TNS3: variants seen among roughly 807,000 people sequenced by gnomAD.
TNS3 encodes tensin 3, also known as tensin-3.
A neutral mutation model predicts 140.9 loss-of-function variants in TNS3; 45 were observed. The ratio of observed to expected loss-of-function variants is 0.32; its 90% CI spans 0.25 to 0.41. The LOEUF (loss-of-function observed/expected upper bound fraction) is 0.41, where lower values mean the gene tolerates loss of function less well. TNS3 is among the 10% of genes least tolerant of loss of function. The pLI, the probability that TNS3 is intolerant of heterozygous loss-of-function variation, is 1.00. For synonymous variants in TNS3, 815 were observed against 788.4 expected (o/e 1.03, Z -0.56); for missense variants, 1,716 against 1,906.7 (o/e 0.90, Z 1.86).
Position 47,546,892 on chromosome 7 carries a change from G to A in TNS3, c.-264-17745C>T, listed in dbSNP as rs186555421. Among the ~76,000 whole-genome samples the A allele has an allele frequency of 1.7e-3, 266 of 152,328 alleles. 5 individuals are homozygous for A. The East Asian group carries it at 0.039, about 22-fold the overall frequency. ...CACGGCTGTGCTCAACAGGCGCTGC[G>A]GATGGAATGACTAAAATGACAAAGA... is the stretch of plus-strand genomic sequence containing the variant. On this transcript the variant is annotated intron_variant, in intron 1 of 30. Coordinates refer to ENST00000311160, the MANE Select transcript of TNS3 (RefSeq NM_022748.12).
At chr7:47,493,662 CAA>C (rs58803590) in intron 3 of TNS3, among the ~76,000 whole-genome samples, 20,527 of 118,790 alleles carry the variant, frequency 0.17, 2,638 homozygotes, top group African/African-American at 0.39. Flanking sequence ...ACTAAAAATA[CAA>C]AAAAAAAAAA....
chr7:47,405,705 C>T, intron 13 of TNS3: 2 of 640,538 alleles, frequency 3.1e-6, no homozygotes, highest in East Asian at 2.7e-5. Context: ...TGTGATGCGT[C>T]CAACAGAGAT....
At chr7:47,550,245 G>T (rs1800027293) in intron 1 of TNS3, among the ~76,000 whole-genome samples, 1 of 152,154 alleles carries the variant, frequency 6.6e-6, no homozygotes, top group East Asian at 1.9e-4. Context: ...CTGAATTAAT[G>T]AAGGAAGGAA....
chr7:47,504,698 G>A (rs1455542971), intron 3 of TNS3, among the ~76,000 whole-genome samples: 3 of 152,238 alleles, frequency 2.0e-5, no homozygotes, highest in Admixed American at 2.0e-4. Context: ...GGAAGACCGA[G>A]CGGCTCCCTT....
chr7:47,476,242 T>A (rs1296234455), intron 4 of TNS3, among the ~76,000 whole-genome samples: 1 of 152,184 alleles, frequency 6.6e-6, no homozygotes, highest in Non-Finnish European at 1.5e-5. Context: ...AAGAACTCCA[T>A]TCAGGGCCAC....
chr7:47,422,007 A>G (rs1273480789), intron 10 of TNS3, among the ~76,000 whole-genome samples: 2 of 152,138 alleles, frequency 1.3e-5, no homozygotes, highest in Non-Finnish European at 2.9e-5. Flanking sequence ...GACAACAGAG[A>G]AGCCTCCCAT....
intron 4 of TNS3, among the ~76,000 whole-genome samples, chr7:47,463,417 C>G (rs1346376449): frequency 6.6e-6 from 1 of 152,184 alleles, no homozygotes; most frequent in Admixed American, 6.5e-5. Context: ...GCACTCCGGC[C>G]TGGGTGACAA....
chr7:47,526,055 C>A (rs905150087), intron 2 of TNS3, among the ~76,000 whole-genome samples: 1 of 152,246 alleles, frequency 6.6e-6, no homozygotes, highest in Non-Finnish European at 1.5e-5. Context: ...CCGTCCAAGA[C>A]GTGCTTGCGC....
chr7:47,335,540 T>G (rs1270153865), intron 20 of TNS3, among the ~76,000 whole-genome samples: 2 of 152,218 alleles, frequency 1.3e-5, no homozygotes, highest in Non-Finnish European at 2.9e-5. Context: ...CAAGCACATC[T>G]CTGGGAAAAG....
chr7:47,346,261 A>G lies in TNS3; in HGVS notation c.2377T>C (p.Cys793Arg). 1 of 1,614,142 alleles carries G rather than the reference A, an allele frequency of 6.2e-7. No homozygotes were observed. The part of the protein sequence containing the change: ...DAGGQLPFSK[C>R]AWGKAGVDYA... ...TCCACACCAGCCTTTCCCCATGCAC[A>G]TTTGGAGAAGGGCAGCTGCCCCCCA... Residue 793 changes from cysteine to arginine, a missense_variant, in exon 18 of 31, where the codon TGT becomes CGT. This residue lies in a region of TNS3 where 1,163 missense variants were observed against 1,182.1 expected (regional missense o/e 0.98). Transcript: ENST00000311160.
chr7:47,398,607 C>T (rs1427470622), intron 15 of TNS3, among the ~76,000 whole-genome samples: 1 of 152,056 alleles, frequency 6.6e-6, no homozygotes, highest in East Asian at 1.9e-4. Context: ...AAAAGGCATT[C>T]GATAAAATCT....
chr7:47,472,127 C>A (rs1345884312), intron 4 of TNS3, among the ~76,000 whole-genome samples: 1 of 152,252 alleles, frequency 6.6e-6, no homozygotes, highest in African/African-American at 2.4e-5. Flanking sequence ...CATCACCTGG[C>A]TTTCTCCCTG....
chr7:47,340,357 G>A (rs1046995565), intron 20 of TNS3, among the ~76,000 whole-genome samples: 8 of 150,736 alleles, frequency 5.3e-5, no homozygotes, highest in Admixed American at 1.3e-4. Context: ...TCTTGACCTC[G>A]TGATCTGCCC....
Position 47,390,157 on chromosome 7 carries a change from A to T in TNS3, c.1024+6643T>A, listed in dbSNP as rs142722779. Among the ~76,000 whole-genome samples the T allele has an allele frequency of 1.1e-4, 16 of 152,350 alleles. No individual in the cohort carries two copies. In the South Asian group the frequency reaches 1.4e-3, roughly 14 times the overall value. The stretch of plus-strand genomic sequence containing the variant: ...AGGCACTGTGTATACCCAAGCACTC[A>T]GCAAAAAGCAGAGCCAAGACTGAAG... On this transcript the variant is annotated intron_variant, in intron 16 of 30. Transcript: ENST00000311160.
chr7:47,308,036 T>C (rs932793835), intron 20 of TNS3, among the ~76,000 whole-genome samples: 6 of 152,208 alleles, frequency 3.9e-5, no homozygotes, highest in African/African-American at 1.4e-4. Context: ...TCACAAAACA[T>C]GTTTTTCTGT....
At chr7:47,554,418 AAAAAAAAAAAC>A (rs200608447) in intron 1 of TNS3, among the ~76,000 whole-genome samples, 69,096 of 143,526 alleles carry the variant, frequency 0.48, 17,551 homozygotes, top group East Asian at 0.71. Flanking sequence ...ACTCCATCTC[AAAAAAAAAAAC>A]AAAAAAAAAA....
chr7:47,516,719 T>C (rs1798789145), intron 2 of TNS3, among the ~76,000 whole-genome samples: 1 of 152,166 alleles, frequency 6.6e-6, no homozygotes, highest in African/African-American at 2.4e-5. Context: ...ACAAGAGCAA[T>C]GGCTAAAATG....
At chr7:47,358,618 G>A (rs958096981) in intron 17 of TNS3, among the ~76,000 whole-genome samples, 7 of 152,224 alleles carry the variant, frequency 4.6e-5, no homozygotes, top group Admixed American at 6.5e-5. Flanking sequence ...CGTGGGAGCC[G>A]GCAGTGCTCT....
intron 5 of TNS3, among the ~76,000 whole-genome samples, chr7:47,440,024 G>C (rs987251473): frequency 6.6e-6 from 1 of 152,142 alleles, no homozygotes; most frequent in Admixed American, 6.5e-5. Flanking sequence ...GGTTCCAGGC[G>C]GGACTCCTGG....
Sources: allele counts gnomAD v4.1 joint callset (sites outside exome capture counted in the v4.1 genomes callset), GRCh38; gene constraint gnomAD v4.1.1; regional missense constraint gnomAD v4.1.1; transcripts MANE v1.5; gene names NCBI Gene and HGNC (gene_info 2026-07-23, HGNC 2026-07-21).